The following ZC3H4 variants were observed in gnomAD, a reference collection of about 807,000 sequenced individuals.
ZC3H4 encodes the protein zinc finger CCCH-type containing 4, also known as zinc finger CCCH domain-containing protein 4.
ZC3H4 carries 13 observed loss-of-function variants against 108.3 expected under a neutral mutation model. The ratio of observed to expected loss-of-function variants is 0.12; its 90% confidence interval spans 0.08 to 0.19. The LOEUF (loss-of-function observed/expected upper bound fraction) is 0.19. Ranked by LOEUF, ZC3H4 falls within the 10% of genes least tolerant of loss-of-function variation. ZC3H4 has a pLI of 1.00. For missense variants in ZC3H4, 1,734 were observed against 1,838.8 expected (o/e 0.94, Z 1.04); for synonymous variants, 917 against 749.6 (o/e 1.22, Z -3.65).
In ZC3H4 at chr19:47,072,022, G is replaced by T. The variant is rs76187449; in HGVS notation, c.1902C>A (p.Pro634=). 1 of 1,588,408 alleles carries T rather than the reference G, an allele frequency of 6.3e-7. No individual in the cohort carries two copies. The highest frequency in any genetic ancestry group is 8.6e-7 in the Non-Finnish European group (1 of 1,167,266). ...CAGGGTGCATGTCCGGGTGCATGTC[G>T]GGGTGCATGTCAGGATGCATTGGAC... ...MGGPMHPDMH[P]DMHPDMHPDM... is the part of the protein sequence containing the mutation. Residue 634 remains proline, a synonymous_variant, in exon 13 of 15, where the codon CCC becomes CCA. Coordinates refer to ENST00000253048, the MANE Select transcript of ZC3H4 (RefSeq NM_015168.2). The surrounding 1 kb of genome is among the most constrained non-coding windows in gnomAD (Gnocchi z 5.6).
chr19:47,094,650 G>C (rs766126085), intron 2 of ZC3H4, 42 bp from the exon 3 acceptor site: 1 of 1,604,544 alleles, frequency 6.2e-7, no homozygotes, highest in South Asian at 1.1e-5. Flanking sequence ...CAGGGTTTGA[G>C]AGGAGACCTC....
chr19:47,075,285 T>C (rs1210930053), intron 11 of ZC3H4, among the ~76,000 whole-genome samples: 2 of 152,134 alleles, frequency 1.3e-5, no homozygotes, highest in Non-Finnish European at 2.9e-5. Context: ...TTCTGCCCTT[T>C]GAGCGTGGGC....
At position 47,067,472 on chromosome 19, in the gene ZC3H4, C is replaced by T. The variant is rs1043404777; in HGVS notation, c.2796G>A (p.Leu932=). Residue 932 remains leucine, a synonymous_variant, in exon 15 of 15, where the codon CTG becomes CTA. Coordinates refer to ENST00000253048, the MANE Select transcript of ZC3H4 (RefSeq NM_015168.2). This position sits in a 1 kb window ranked among gnomAD's most constrained non-coding sequence, Gnocchi z 6.4. ...PTEEEEGERA[L]REKAVNIPLD... ...GGGGAATGTTCACGGCCTTCTCCCG[C>T]AGGGCCCGCTCCCCTTCCTCCTCCT... The T allele has an allele frequency of 2.5e-6, 4 of 1,582,010 alleles. No individual in the cohort carries two copies. In the African/African-American group the frequency reaches 4.0e-5, roughly 16 times the overall value.
chr19:47,077,036 G>A (rs565990709), intron 11 of ZC3H4, among the ~76,000 whole-genome samples: 1 of 151,700 alleles, frequency 6.6e-6, no homozygotes, highest in African/African-American at 2.4e-5. Context: ...ATGTGGTGGC[G>A]GGCCTCTGTA....
At chr19:47,071,205 A>G (rs2057319000) in intron 13 of ZC3H4, among the ~76,000 whole-genome samples, 2 of 152,176 alleles carry the variant, frequency 1.3e-5, no homozygotes, top group Admixed American at 1.3e-4. Flanking sequence ...TTCCACCAAG[A>G]TGCAACTGAG....
At position 47,066,380 on chromosome 19, in the gene ZC3H4, G is replaced by A; in HGVS notation, c.3888C>T (p.Pro1296=). 1 of 1,562,594 alleles carries A rather than the reference G, an allele frequency of 6.4e-7. No individual in the cohort carries two copies. Among genetic ancestry groups the A allele is most frequent in the Non-Finnish European group, 8.6e-7 (1 of 1,156,814 alleles). Residue 1296 remains proline, a synonymous_variant, in exon 15 of 15, where the codon CCC becomes CCT. Transcript: ENST00000253048. ...ACTACTGGCAAAAGGGGGAGGCCGT[G>A]GGGTCGAAGCCTTTAAAAACATCCT... is the stretch of plus-strand genomic sequence containing the variant. ...SLKDVFKGFD[P]TASPFCQ is the part of the protein sequence containing the mutation.
At chr19:47,093,534 G>A (rs959626652) in intron 4 of ZC3H4, among the ~76,000 whole-genome samples, 1 of 152,200 alleles carries the variant, frequency 6.6e-6, no homozygotes, top group African/African-American at 2.4e-5. Flanking sequence ...AGGTCAGCTA[G>A]GGCCTGGGTT....
intron 2 of ZC3H4, among the ~76,000 whole-genome samples, chr19:47,107,975 C>T (rs928068268): frequency 6.6e-6 from 1 of 152,214 alleles, no homozygotes; most frequent in Non-Finnish European, 1.5e-5. Context: ...TCCCCATGAA[C>T]TTGACATGCC....
chr19:47,096,154 G>C (rs868581117), intron 2 of ZC3H4, among the ~76,000 whole-genome samples: 4 of 152,288 alleles, frequency 2.6e-5, no homozygotes, highest in Non-Finnish European at 4.4e-5. Flanking sequence ...AGTTCAAAGG[G>C]GATGGGTTCT....
At position 47,067,595 on chromosome 19, in the gene ZC3H4, C is replaced by G; in HGVS notation, c.2673G>C (p.Arg891=). The part of the protein sequence containing the change: ...GPGDSGPSDP[R]LARALPTSKP... ...TGGAGGTGGGCAGGGCGCGAGCCAG[C>G]CGAGGATCGGAGGGTCCCGAATCAC... The change falls in exon 15 of 15, where the codon CGG becomes CGC. Residue 891 remains arginine (R), a synonymous_variant. Transcript: ENST00000253048. This position sits in a 1 kb window ranked among gnomAD's most constrained non-coding sequence, Gnocchi z 6.4. 3 of 1,605,580 alleles carry G rather than the reference C, an allele frequency of 1.9e-6. No individual in the cohort carries two copies. Among genetic ancestry groups the G allele is most frequent in the Non-Finnish European group, 2.5e-6 (3 of 1,177,162 alleles).
chr19:47,070,750 C>T (rs959972665), intron 13 of ZC3H4, among the ~76,000 whole-genome samples: 2 of 152,186 alleles, frequency 1.3e-5, no homozygotes, highest in African/African-American at 2.4e-5. Flanking sequence ...TAAACCACCC[C>T]CTCAAAATTT....
chr19:47,094,500 A>G lies in ZC3H4; in HGVS notation c.270T>C (p.His90=). Residue 90 remains histidine (H), a synonymous_variant, in exon 3 of 15, where the codon CAT becomes CAC. Transcript: ENST00000253048. ...ERSRKEKGEK[H]HSDSDEEKSH... The stretch of plus-strand genomic sequence containing the variant: ...ACTTCTCCTCATCCGAATCACTGTG[A>G]TGCTTCTCCCCCTTTTCTTTCCGGC... 2.5e-6 allele frequency: 4 copies of G among 1,614,062 alleles called. No homozygotes were observed. Among genetic ancestry groups the G allele is most frequent in the Non-Finnish European group, 3.4e-6 (4 of 1,180,010 alleles).
At chr19:47,082,422 T>C (rs1038760161) in intron 9 of ZC3H4, 127 bp from the exon 10 acceptor site, 1 of 716,426 alleles carries the variant, frequency 1.4e-6, no homozygotes, top group Non-Finnish European at 2.5e-6. Flanking sequence ...CGAATCCCCC[T>C]TAGGAAAGGA....
intron 11 of ZC3H4, among the ~76,000 whole-genome samples, chr19:47,073,842 T>C (rs2037575585): frequency 6.6e-6 from 1 of 152,232 alleles, no homozygotes; most frequent in Non-Finnish European, 1.5e-5. Flanking sequence ...AAAGTGCATC[T>C]ATCTACAACA....
intron 11 of ZC3H4, among the ~76,000 whole-genome samples, chr19:47,076,665 C>A (rs1328371532): frequency 4.0e-5 from 6 of 151,424 alleles, no homozygotes; most frequent in Non-Finnish European, 8.8e-5. Context: ...ACCAGCCTGA[C>A]CAAGATGGTG....
In ZC3H4 at chr19:47,064,418, A is replaced by G. The variant is rs901973961; in HGVS notation, c.*1938T>C. On this transcript the variant is annotated 3_prime_UTR_variant, in exon 15 of 15. Coordinates refer to ENST00000253048, the MANE Select transcript of ZC3H4 (RefSeq NM_015168.2). ...TTGTTACAATCCTGGTTAGAGAACA[A>G]TTTTTCTTTAAAAGCTCGGCCTGAT... 2 of 152,460 alleles carry G rather than the reference A, an allele frequency of 1.3e-5. No individual in the cohort carries two copies. The highest frequency in any genetic ancestry group is 1.3e-4 in the Admixed American group (2 of 15,270). The allele number at this position is 152,460 out of a possible 1,614,324, so 9.4% of individuals were successfully genotyped here. A position where few individuals can be genotyped will look rare whatever the true frequency, so the allele number is the denominator to read the frequency against.
chr19:47,113,521 C>G (rs1036417685), intron 1 of ZC3H4, 199 bp downstream of exon 1: 1 of 152,424 alleles, frequency 6.6e-6, no homozygotes, highest in African/African-American at 2.4e-5. Context: ...AGAAAAGCAG[C>G]CAGGGTAATG....
At chr19:47,106,973 C>A (rs2057975751) in intron 2 of ZC3H4, among the ~76,000 whole-genome samples, 1 of 152,218 alleles carries the variant, frequency 6.6e-6, no homozygotes, top group South Asian at 2.1e-4. Context: ...AGATCCCTGG[C>A]TTCCCAGTTC....
Position 47,112,533 on chromosome 19 carries a change from G to A in ZC3H4, c.52C>T (p.Pro18Ser). ...GTTGATGGCGGCGGCGGCGATGGCG[G>A]CGGCGGCGACTCTGATGGCGGCGGC... ...PPPPPSESPPPPSPPPPSTPS... is the reference protein window; with the variant it reads ...PPPPPSESPPSPSPPPPSTPS... The change falls in exon 2 of 15, where the codon CCG (proline) becomes TCG (serine). Residue 18 changes from proline to serine, a missense_variant. By Grantham distance (74) the Pro-to-Ser change is moderately conservative (BLOSUM62 -1). Coordinates refer to ENST00000253048, the MANE Select transcript of ZC3H4 (RefSeq NM_015168.2). 5.6e-6 allele frequency: 6 copies of A among 1,067,082 alleles called. No homozygotes were observed. Among genetic ancestry groups the A allele is most frequent in the Non-Finnish European group, 7.2e-6 (6 of 830,482 alleles). The allele number at this position is 1,067,082 out of a possible 1,614,324, so 66.1% of individuals were successfully genotyped here.
Sources: allele counts gnomAD v4.1 joint callset (sites outside exome capture counted in the v4.1 genomes callset), GRCh38; gene constraint gnomAD v4.1.1; non-coding constraint Gnocchi (gnomAD v3.1); transcripts MANE v1.5; gene names NCBI Gene and HGNC (gene_info 2026-07-23, HGNC 2026-07-21).